Variants in RNF13 observed in about 807,000 individuals in gnomAD.
RNF13 encodes E3 ubiquitin-protein ligase RNF13.
A neutral mutation model predicts 37.7 loss-of-function variants in RNF13; 19 were observed. That is an observed-to-expected ratio of 0.50 (90% confidence interval 0.35 to 0.74). RNF13 has a LOEUF of 0.74. Ranked by LOEUF, RNF13 falls within the 30% of genes least tolerant of loss-of-function variation. RNF13 has a pLI of 0.01. For missense variants in RNF13, 375 were observed against 453.0 expected (o/e 0.83, Z 1.56); for synonymous variants, 144 against 157.8 (o/e 0.91, Z 0.65).
chr3:149,953,066 A>G (rs1386776861), intron 8 of RNF13, among the ~76,000 whole-genome samples: 1 of 152,248 alleles, frequency 6.6e-6, no homozygotes, highest in African/African-American at 2.4e-5. Flanking sequence ...GACCCAATAA[A>G]GAGTAATATA....
intron 6 of RNF13, among the ~76,000 whole-genome samples, chr3:149,903,965 GTCTGTCTA>G (rs1386327167): frequency 4.6e-5 from 7 of 151,176 alleles, no homozygotes; most frequent in Non-Finnish European, 1.0e-4. Flanking sequence ...CTGTCTGTCT[GTCTGTCTA>G]TCTATCTACC....
intron 1 of RNF13, among the ~76,000 whole-genome samples, chr3:149,832,215 A>G (rs1415552894): frequency 6.6e-6 from 1 of 152,204 alleles, no homozygotes; most frequent in African/African-American, 2.4e-5. Context: ...TTGAGATGCC[A>G]GTGAAGGTCA....
intron 1 of RNF13, among the ~76,000 whole-genome samples, chr3:149,815,411 T>C (rs1719338197): frequency 6.6e-6 from 1 of 152,212 alleles, no homozygotes; most frequent in East Asian, 1.9e-4. Flanking sequence ...TAACAATATT[T>C]TTAAATCTGG....
intron 1 of RNF13, 187 bp from the exon 2 acceptor site, chr3:149,845,824 G>A (rs1722590667): frequency 2.1e-6 from 1 of 483,940 alleles, no homozygotes; most frequent in Non-Finnish European, 3.7e-6. Context: ...GACTAAACAT[G>A]GGTGTTTACC....
intron 8 of RNF13, among the ~76,000 whole-genome samples, chr3:149,953,900 T>C (rs1721598811): frequency 6.6e-6 from 1 of 152,212 alleles, no homozygotes; most frequent in Non-Finnish European, 1.5e-5. Flanking sequence ...TGGTAGCAAT[T>C]ATTATTATAA....
At chr3:149,865,630 T>TA (rs1724735070) in intron 3 of RNF13, among the ~76,000 whole-genome samples, 1 of 152,124 alleles carries the variant, frequency 6.6e-6, no homozygotes, top group Non-Finnish European at 1.5e-5. Context: ...CACAGCCAGC[T>TA]AATTTTTGTA....
intron 5 of RNF13, among the ~76,000 whole-genome samples, chr3:149,896,483 A>ATT (rs1329855973): frequency 7.0e-6 from 1 of 143,134 alleles, no homozygotes; most frequent in Non-Finnish European, 1.5e-5. Context: ...CTTCTTCTTT[A>ATT]TTTTTTTTTT....
intron 8 of RNF13, among the ~76,000 whole-genome samples, chr3:149,943,791 G>A (rs927887418): frequency 6.6e-6 from 1 of 151,534 alleles, no homozygotes; most frequent in Non-Finnish European, 1.5e-5. Context: ...CTTCAGGCTA[G>A]CATACTGTGT....
At chr3:149,895,908 A>G (rs141727327) in intron 5 of RNF13, among the ~76,000 whole-genome samples, 1,831 of 152,308 alleles carry the variant, frequency 0.012, 31 homozygotes, top group African/African-American at 0.041. Context: ...GGGTATGCAC[A>G]TACACTAAGT....
Position 149,947,079 on chromosome 3 carries a change from G to GT in RNF13, c.701-12969dup, listed in dbSNP as rs199793062. 5.2e-3 allele frequency among the ~76,000 whole-genome samples: 793 copies of GT among 151,466 alleles called. 6 individuals carry two copies. The highest frequency in any genetic ancestry group is 0.013 in the Admixed American group (198 of 15,224). On this transcript the variant is annotated intron_variant, in intron 8 of 9. Transcript: ENST00000392894. ...ACATTTGTGGATTTGCCTGTTTTTTGTTTTTTTTGCTATTGATTTGTAGTT... is the reference window on the plus strand; with the variant it reads ...ACATTTGTGGATTTGCCTGTTTTTTGTTTTTTTTTGCTATTGATTTGTAGTT...
At chr3:149,927,434 C>A (rs918507004) in intron 8 of RNF13, among the ~76,000 whole-genome samples, 1 of 152,156 alleles carries the variant, frequency 6.6e-6, no homozygotes, top group Non-Finnish European at 1.5e-5. Flanking sequence ...GTAAATAATA[C>A]TGCAATGAAC....
intron 2 of RNF13, chr3:149,851,097 G>A (rs1723079040): frequency 6.6e-6 from 1 of 152,190 alleles, no homozygotes; most frequent in Admixed American, 6.5e-5. Flanking sequence ...AGCATACAGT[G>A]AGAGGCAAAG....
intron 8 of RNF13, among the ~76,000 whole-genome samples, chr3:149,928,630 C>T (rs777729490): frequency 2.6e-5 from 4 of 152,046 alleles, no homozygotes; most frequent in Non-Finnish European, 5.9e-5. Context: ...TGTTGTTCTT[C>T]AGTATTTTAG....
rs1237479258 is a variant in RNF13, at chr3:149,960,786, A to G, written c.828A>G (p.Lys276=). ...CVDPWLTKTK[K]TCPVCKQKVV... is the part of the protein sequence containing the mutation. The stretch of plus-strand genomic sequence containing the variant: ...ACCCTTGGCTAACTAAAACCAAAAA[A>G]ACCTGTCCAGTGTGCAAGCAAAAAG... Residue 276 remains lysine (K), a synonymous_variant, in exon 10 of 10, where the codon AAA becomes AAG. Coordinates refer to ENST00000392894, the MANE Select transcript of RNF13 (RefSeq NM_183381.3). 13 of 1,613,938 alleles carry G rather than the reference A, an allele frequency of 8.1e-6. No homozygotes were observed. Among genetic ancestry groups the G allele is most frequent in the Non-Finnish European group, 1.1e-5 (13 of 1,179,988 alleles).
At chr3:149,916,674 A>G (rs2108527375) in intron 7 of RNF13, among the ~76,000 whole-genome samples, 1 of 152,274 alleles carries the variant, frequency 6.6e-6, no homozygotes, top group East Asian at 1.9e-4. Flanking sequence ...GAAAGTAGAG[A>G]GTAAGTTAGA....
chr3:149,858,915 A>T (rs566821533), intron 3 of RNF13, among the ~76,000 whole-genome samples: 24 of 152,338 alleles, frequency 1.6e-4, no homozygotes, highest in African/African-American at 5.5e-4. Flanking sequence ...TTTAATATAA[A>T]GTCTTGAGAT....
At chr3:149,845,563 T>A (rs1196368407) in intron 1 of RNF13, among the ~76,000 whole-genome samples, 6 of 152,184 alleles carry the variant, frequency 3.9e-5, no homozygotes, top group African/African-American at 1.4e-4. Flanking sequence ...CAATATACAA[T>A]AGCAAATGAA....
chr3:149,903,894 G>A (rs543058444), intron 6 of RNF13, among the ~76,000 whole-genome samples: 8 of 151,876 alleles, frequency 5.3e-5, no homozygotes, highest in African/African-American at 1.5e-4. Flanking sequence ...TTGTAGACCC[G>A]TACATAAAGA....
At chr3:149,899,403 C>G (rs1210099989) in intron 5 of RNF13, among the ~76,000 whole-genome samples, 1 of 152,084 alleles carries the variant, frequency 6.6e-6, no homozygotes, top group South Asian at 2.1e-4. Flanking sequence ...GAGCCGAGAT[C>G]GTGCCACTGC....
Sources: gnomAD v4.1 joint callset for allele counts (sites outside exome capture counted in the v4.1 genomes callset) on GRCh38, gnomAD v4.1.1 for gene constraint, MANE v1.5 for transcripts, NCBI Gene and HGNC (gene_info 2026-07-23, HGNC 2026-07-21) for gene names.